EXOC4: variants seen among roughly 807,000 people sequenced by gnomAD.
The protein encoded by EXOC4 is SEC8-like 1.
In EXOC4, 71 loss-of-function variants were observed where a neutral mutation model predicts 107.2. The ratio of observed to expected loss-of-function variants is 0.66; its 90% CI spans 0.55 to 0.81. The LOEUF (loss-of-function observed/expected upper bound fraction) is 0.81, where lower values mean the gene tolerates loss of function less well. Among genes scored for constraint, EXOC4 ranks in the 30% least tolerant of loss-of-function variants. The probability of loss-of-function intolerance (pLI) is 0.00; values close to 1 mark genes in which losing one functional copy is unlikely to be tolerated. For missense variants in EXOC4, 1,108 were observed against 1,189.6 expected, an observed-to-expected ratio of 0.93 and a Z score of 1.01; for synonymous variants, 456 against 441.2, an observed-to-expected ratio of 1.03 and a Z score of -0.42.
At chr7:133,711,082 C>T (rs764902010) in intron 10 of EXOC4, among the ~76,000 whole-genome samples, 1 of 152,170 alleles carries the variant, frequency 6.6e-6, no homozygotes, top group East Asian at 1.9e-4. Flanking sequence ...TTTTTACTGA[C>T]TTGTTCTGTT....
At chr7:133,513,049 G>C (rs1332835129) in intron 9 of EXOC4, among the ~76,000 whole-genome samples, 2 of 152,224 alleles carry the variant, frequency 1.3e-5, no homozygotes, top group African/African-American at 4.8e-5. Flanking sequence ...AGGCTGCAGT[G>C]AGCCGAGATC....
chr7:133,415,255 G>C (rs1355577048), intron 7 of EXOC4, among the ~76,000 whole-genome samples: 1 of 152,150 alleles, frequency 6.6e-6, no homozygotes, highest in African/African-American at 2.4e-5. Context: ...TTAAGTTTTT[G>C]TGTAGACATG....
intron 10 of EXOC4, among the ~76,000 whole-genome samples, chr7:133,686,429 G>A (rs1312924627): frequency 6.6e-6 from 1 of 151,934 alleles, no homozygotes; most frequent in East Asian, 1.9e-4. Flanking sequence ...AGTTGTTTTT[G>A]GATAAACACA....
At chr7:133,661,695 A>C (rs1426766877) in intron 10 of EXOC4, among the ~76,000 whole-genome samples, 2 of 150,710 alleles carry the variant, frequency 1.3e-5, no homozygotes, top group Non-Finnish European at 3.0e-5. Flanking sequence ...AAAACAAAAA[A>C]AAAAAAAACA....
At chr7:133,771,248 A>G (rs1341110724) in intron 10 of EXOC4, 1 of 151,968 alleles carries the variant, frequency 6.6e-6, no homozygotes, top group African/African-American at 2.4e-5. Flanking sequence ...CTATCAACTG[A>G]CAGGCTCTTT....
chr7:133,933,041 C>A (rs527476210), intron 13 of EXOC4, among the ~76,000 whole-genome samples: 1 of 117,738 alleles, frequency 8.5e-6, no homozygotes, highest in East Asian at 2.2e-4. Flanking sequence ...CTGCTGAAAG[C>A]GCAGATTTTT....
chr7:133,632,520 T>G (rs1802614568), intron 10 of EXOC4, among the ~76,000 whole-genome samples: 1 of 152,198 alleles, frequency 6.6e-6, no homozygotes, highest in Non-Finnish European at 1.5e-5. Flanking sequence ...CTAAGATCTT[T>G]TAGTGGATTT....
intron 9 of EXOC4, chr7:133,576,458 C>T (rs1323705411): frequency 2.1e-5 from 26 of 1,244,688 alleles, no homozygotes; most frequent in Non-Finnish European, 2.6e-5. Context: ...AATTATTTAA[C>T]CCATTTATAG....
At chr7:133,257,445 TG>T (rs1795045795) in intron 1 of EXOC4, among the ~76,000 whole-genome samples, 1 of 152,136 alleles carries the variant, frequency 6.6e-6, no homozygotes, top group South Asian at 2.1e-4. Context: ...TTTTGTTTGG[TG>T]GGAAGTCAGA....
intron 11 of EXOC4, among the ~76,000 whole-genome samples, chr7:133,834,485 C>T (rs972807747): frequency 1.6e-4 from 24 of 152,218 alleles, no homozygotes; most frequent in Non-Finnish European, 2.8e-4. Context: ...TAAAGACTCT[C>T]GTACCCCTTT....
intron 11 of EXOC4, among the ~76,000 whole-genome samples, chr7:133,839,536 A>G (rs1432440188): frequency 1.3e-5 from 2 of 152,174 alleles, no homozygotes; most frequent in Non-Finnish European, 2.9e-5. Context: ...GCATTTGCCT[A>G]TTTGCCTACC....
intron 13 of EXOC4, among the ~76,000 whole-genome samples, chr7:133,919,374 A>G (rs1799887007): frequency 6.6e-6 from 1 of 152,192 alleles, no homozygotes. Flanking sequence ...TACTGATACA[A>G]TATTAATGAC....
At chr7:133,849,116 A>G (rs1462095685) in intron 11 of EXOC4, among the ~76,000 whole-genome samples, 2 of 152,200 alleles carry the variant, frequency 1.3e-5, no homozygotes, top group East Asian at 3.9e-4. Flanking sequence ...TACGGATATA[A>G]CAGATGCAAA....
chr7:133,848,266 A>T (rs1798173414), intron 11 of EXOC4, among the ~76,000 whole-genome samples: 1 of 152,168 alleles, frequency 6.6e-6, no homozygotes, highest in East Asian at 1.9e-4. Context: ...AATGCAGAGG[A>T]GAAGAGGAGG....
chr7:134,035,702 G>A (rs1038827504), intron 17 of EXOC4, among the ~76,000 whole-genome samples: 3 of 152,004 alleles, frequency 2.0e-5, no homozygotes, highest in Non-Finnish European at 4.4e-5. Flanking sequence ...GTAGCCCATT[G>A]ATGTCATGAA....
intron 10 of EXOC4, among the ~76,000 whole-genome samples, chr7:133,688,858 C>G (rs1340192927): frequency 6.6e-6 from 1 of 152,104 alleles, no homozygotes; most frequent in Non-Finnish European, 1.5e-5. Flanking sequence ...GGTATCTCAT[C>G]TACTAGTCAG....
chr7:133,789,893 G>A (rs1483357667), intron 10 of EXOC4, among the ~76,000 whole-genome samples: 1 of 152,170 alleles, frequency 6.6e-6, no homozygotes, highest in Admixed American at 6.5e-5. Context: ...CATCTTAGAT[G>A]TAGTCAACAT....
At chr7:134,035,002 A>G (rs1248628926) in intron 17 of EXOC4, among the ~76,000 whole-genome samples, 3 of 151,942 alleles carry the variant, frequency 2.0e-5, no homozygotes, top group Admixed American at 2.0e-4. Context: ...GGTTTGGGGT[A>G]AAGAAGGAGA....
At chr7:133,463,852 A>G (rs181993186) in intron 7 of EXOC4, among the ~76,000 whole-genome samples, 149 of 152,272 alleles carry the variant, frequency 9.8e-4, no homozygotes, top group Admixed American at 1.7e-3. Context: ...ATATACAGAT[A>G]ATTTCATTTA....
Sources: gnomAD v4.1 joint callset for allele counts (sites outside exome capture counted in the v4.1 genomes callset) on GRCh38, gnomAD v4.1.1 for gene constraint, MANE v1.5 for transcripts, NCBI Gene and HGNC (gene_info 2026-07-23, HGNC 2026-07-21) for gene names.